MAP4K4: variants seen among roughly 807,000 people sequenced by gnomAD.
MAP4K4 encodes mitogen-activated protein kinase kinase kinase kinase 4.
In MAP4K4, 38 loss-of-function variants were observed where a neutral mutation model predicts 189.6. The observed-to-expected ratio is 0.20, with a 90% confidence interval of 0.15 to 0.26. The LOEUF (loss-of-function observed/expected upper bound fraction) is 0.26, where lower values mean the gene tolerates loss of function less well. Among genes scored for constraint, MAP4K4 ranks in the 10% least tolerant of loss-of-function variants. The pLI is 1.00. For missense variants in MAP4K4, 1,054 were observed against 1,726.9 expected (o/e 0.61, Z 6.91); for synonymous variants, 610 against 624.3 (o/e 0.98, Z 0.34).
intron 2 of MAP4K4, among the ~76,000 whole-genome samples, chr2:101,764,826 C>T (rs560532503): frequency 6.6e-6 from 1 of 152,248 alleles, no homozygotes; most frequent in South Asian, 2.1e-4. Flanking sequence ...TGCATTCTCT[C>T]TTGTTTATAA....
intron 24 of MAP4K4, among the ~76,000 whole-genome samples, chr2:101,873,388 T>A (rs1342606421): frequency 6.6e-6 from 1 of 152,172 alleles, no homozygotes; most frequent in East Asian, 1.9e-4. Context: ...ATTTCATTGG[T>A]AGCTTGCAGC....
At chr2:101,784,185 G>T (rs1003927279) in intron 2 of MAP4K4, among the ~76,000 whole-genome samples, 3 of 152,094 alleles carry the variant, frequency 2.0e-5, no homozygotes, top group Non-Finnish European at 4.4e-5. Flanking sequence ...TCCTATGAAA[G>T]CAGAGCAATT....
chr2:101,789,039 T>G (rs930802259), intron 2 of MAP4K4, among the ~76,000 whole-genome samples: 3 of 152,298 alleles, frequency 2.0e-5, no homozygotes, highest in Non-Finnish European at 4.4e-5. Context: ...GCATACTAAA[T>G]TACCCTCTTG....
intron 30 of MAP4K4, among the ~76,000 whole-genome samples, chr2:101,887,460 T>C (rs922684929): frequency 2.0e-5 from 3 of 152,226 alleles, no homozygotes; most frequent in Non-Finnish European, 2.9e-5. Context: ...TCTTAGCTCT[T>C]GCTTTGACTA....
chr2:101,892,160 C>T (rs2098580487), exon 33 of MAP4K4: 1 of 152,428 alleles, frequency 6.6e-6, no homozygotes, highest in African/African-American at 2.4e-5. Flanking sequence ...ACAGTCTGCA[C>T]TTGCAGAAGA....
chr2:101,826,962 C>A (rs889485305), intron 5 of MAP4K4, among the ~76,000 whole-genome samples: 1 of 152,032 alleles, frequency 6.6e-6, no homozygotes, highest in Non-Finnish European at 1.5e-5. Flanking sequence ...GTATGTAATT[C>A]CAGTATGTGA....
At chr2:101,817,259 A>G (rs925581566) in intron 3 of MAP4K4, among the ~76,000 whole-genome samples, 14 of 152,140 alleles carry the variant, frequency 9.2e-5, no homozygotes, top group African/African-American at 3.1e-4. Flanking sequence ...GAAAGATCTA[A>G]TAGTTTCTTT....
intron 3 of MAP4K4, among the ~76,000 whole-genome samples, chr2:101,803,025 A>T (rs1260484780): frequency 6.6e-6 from 1 of 152,182 alleles, no homozygotes; most frequent in African/African-American, 2.4e-5. Flanking sequence ...ACCTCAGGTG[A>T]TCCGCCCACC....
At chr2:101,783,998 C>T (rs2089231519) in intron 2 of MAP4K4, among the ~76,000 whole-genome samples, 1 of 152,144 alleles carries the variant, frequency 6.6e-6, no homozygotes, top group African/African-American at 2.4e-5. Flanking sequence ...AACCTGTCCC[C>T]TTCTGGGATT....
intron 12 of MAP4K4, among the ~76,000 whole-genome samples, chr2:101,848,407 G>A (rs984642988): frequency 6.6e-6 from 1 of 152,172 alleles, no homozygotes; most frequent in African/African-American, 2.4e-5. Flanking sequence ...GCCCTTTATT[G>A]GCATTAAGGA....
At chr2:101,828,910 T>C (rs1199652329) in intron 5 of MAP4K4, among the ~76,000 whole-genome samples, 1 of 152,154 alleles carries the variant, frequency 6.6e-6, no homozygotes, top group East Asian at 1.9e-4. Context: ...CATCAAAAAG[T>C]GTTATATGCC....
At chr2:101,765,688 C>G (rs1174516375) in intron 2 of MAP4K4, among the ~76,000 whole-genome samples, 1 of 152,136 alleles carries the variant, frequency 6.6e-6, no homozygotes, top group East Asian at 1.9e-4. Context: ...GGAAATCTAT[C>G]TTACTAGGAG....
At chr2:101,871,090 T>C (rs1243232013) in intron 23 of MAP4K4, among the ~76,000 whole-genome samples, 2 of 152,112 alleles carry the variant, frequency 1.3e-5, no homozygotes, top group African/African-American at 4.8e-5. Context: ...GCCCTAAGTG[T>C]GTTTCATGCT....
At chr2:101,873,912 A>G (rs2098125403) in intron 25 of MAP4K4, 148 bp downstream of exon 25, 6 of 790,702 alleles carry the variant, frequency 7.6e-6, no homozygotes, top group Non-Finnish European at 1.0e-5. Flanking sequence ...CTTATTTGCA[A>G]TGAGATGCAG....
At chr2:101,704,565 A>T (rs62155158) in intron 2 of MAP4K4, among the ~76,000 whole-genome samples, 1,946 of 40,166 alleles carry the variant, frequency 0.048, 87 homozygotes, top group African/African-American at 0.13. Context: ...ATATATATAT[A>T]TATTTTTTTT....
intron 22 of MAP4K4, 119 bp downstream of exon 22, chr2:101,869,916 C>T (rs1037226447): frequency 5.4e-5 from 72 of 1,344,132 alleles, no homozygotes; most frequent in African/African-American, 1.2e-4. Flanking sequence ...ATGTAGTTCT[C>T]GTGGATTCAG....
intron 2 of MAP4K4, among the ~76,000 whole-genome samples, chr2:101,722,267 A>G (rs1050320917): frequency 3.9e-5 from 6 of 152,202 alleles, no homozygotes; most frequent in African/African-American, 1.4e-4. Context: ...AACCTCATGG[A>G]TTATTCTGAT....
chr2:101,698,486 T>G, exon 2 of MAP4K4: 1 of 1,613,650 alleles, frequency 6.2e-7, no homozygotes, highest in Non-Finnish European at 8.5e-7. Context: ...CCTGCTGGGA[T>G]TTTTGAGCTG....
At chr2:101,739,416 A>G (rs2061701907) in intron 2 of MAP4K4, among the ~76,000 whole-genome samples, 1 of 152,152 alleles carries the variant, frequency 6.6e-6, no homozygotes, top group South Asian at 2.1e-4. Context: ...ATTTAATTCT[A>G]AAGCTTCTAT....
Sources: gnomAD v4.1 joint callset for allele counts (sites outside exome capture counted in the v4.1 genomes callset) on GRCh38, gnomAD v4.1.1 for gene constraint, MANE v1.5 for transcripts, NCBI Gene and HGNC (gene_info 2026-07-23, HGNC 2026-07-21) for gene names.